Variants in AK5 observed in about 807,000 individuals in gnomAD.
AK5 encodes adenylate kinase 5, also known as adenylate kinase isoenzyme 5.
In AK5, 27 loss-of-function variants were observed where a neutral mutation model predicts 69.5. The ratio of observed to expected loss-of-function variants is 0.39; its 90% confidence interval spans 0.29 to 0.54. The LOEUF is 0.54. AK5 is among the 20% of genes least tolerant of loss of function. The pLI is 0.71. For missense variants in AK5, 531 were observed against 700.4 expected, an observed-to-expected ratio of 0.76 and a Z score of 2.73; for synonymous variants, 260 against 244.4, an observed-to-expected ratio of 1.06 and a Z score of -0.60.
At chr1:77,298,011 A>C in intron 5 of AK5, 64 bp downstream of exon 5, 1 of 1,205,134 alleles carries the variant, frequency 8.3e-7, no homozygotes, top group African/African-American at 1.5e-5. Context: ...GAATAAAAAC[A>C]AAAAGACTTC....
At chr1:77,397,281 C>T (rs879712709) in intron 6 of AK5, among the ~76,000 whole-genome samples, 9 of 152,130 alleles carry the variant, frequency 5.9e-5, no homozygotes, top group Non-Finnish European at 1.0e-4. Context: ...CATTGCCACA[C>T]GTACCCACCG....
At chr1:77,383,593 A>G (rs1004783379) in intron 6 of AK5, among the ~76,000 whole-genome samples, 1 of 152,180 alleles carries the variant, frequency 6.6e-6, no homozygotes, top group African/African-American at 2.4e-5. Flanking sequence ...ATATTATGAA[A>G]CCTTCATGGG....
At chr1:77,460,864 C>T (rs773521395) in intron 8 of AK5, among the ~76,000 whole-genome samples, 3 of 151,736 alleles carry the variant, frequency 2.0e-5, no homozygotes, top group Non-Finnish European at 4.4e-5. Flanking sequence ...GCTAGGATTA[C>T]AGGCACGTAC....
At chr1:77,531,210 G>C (rs565720939) in intron 12 of AK5, among the ~76,000 whole-genome samples, 4 of 152,140 alleles carry the variant, frequency 2.6e-5, no homozygotes, top group Non-Finnish European at 5.9e-5. Flanking sequence ...GCAGACCTTC[G>C]CAGTGTTACA....
intron 8 of AK5, among the ~76,000 whole-genome samples, chr1:77,444,289 T>TA (rs1369986823): frequency 5.8e-5 from 4 of 69,182 alleles, no homozygotes; most frequent in Admixed American, 2.0e-4. Context: ...ACAACATATG[T>TA]GTATATATAT....
intron 5 of AK5, among the ~76,000 whole-genome samples, chr1:77,322,023 G>A (rs561602436): frequency 2.9e-4 from 44 of 152,256 alleles, no homozygotes; most frequent in African/African-American, 1.0e-3. Context: ...AGGGTGAGCC[G>A]TGTCTAGCTT....
chr1:77,503,899 C>CA (rs147784897), intron 10 of AK5, among the ~76,000 whole-genome samples: 24,460 of 135,014 alleles, frequency 0.18, 2,200 homozygotes, highest in Non-Finnish European at 0.19. Context: ...GAGACTGTCT[C>CA]AAAAAAAAAA....
chr1:77,508,853 C>T (rs907091142), intron 10 of AK5, among the ~76,000 whole-genome samples: 5 of 138,594 alleles, frequency 3.6e-5, no homozygotes, highest in African/African-American at 1.4e-4. Context: ...GGCGGCAGAG[C>T]GAGACTCCAT....
chr1:77,559,078 C>T lies in AK5; in HGVS notation c.*408C>T, dbSNP rs764980941. On this transcript the variant is annotated 3_prime_UTR_variant, in exon 14 of 14. Transcript: ENST00000354567. ...AACCCCCAGTCACACCTTCCTCTTA[C>T]ATACTGTTCCCCAATGGAGGCCCCT... The T allele has an allele frequency of 1.9e-5, 3 of 155,852 alleles. No individual in the cohort carries two copies. Among genetic ancestry groups the T allele is most frequent in the Non-Finnish European group, 4.3e-5 (3 of 70,434 alleles). The allele number at this position is 155,852 out of a possible 1,614,324, so 9.7% of individuals were successfully genotyped here.
rs936741981 is a variant in AK5 at position 77,558,736 on chromosome 1, A to G, written c.*66A>G. 1.1e-5 allele frequency: 13 copies of G among 1,174,334 alleles called. No homozygotes were observed. The highest frequency in any genetic ancestry group is 1.8e-5 in the Admixed American group (1 of 55,716). 72.7% of individuals were successfully genotyped at this position (1,174,334 alleles called of 1,614,324 possible). ...ATTAAAAAGTTCATTCCTTAACACA[A>G]TGTTTCAAGTTAAACCTTTTGTGTC... On this transcript the variant is annotated 3_prime_UTR_variant, in exon 14 of 14. Coordinates refer to ENST00000354567, the MANE Select transcript of AK5 (RefSeq NM_174858.3).
intron 8 of AK5, among the ~76,000 whole-genome samples, chr1:77,455,636 G>A (rs11810135): frequency 0.046 from 6,932 of 152,168 alleles, 404 homozygotes; most frequent in East Asian, 0.19. Flanking sequence ...TCCATTGCTT[G>A]TAACTCACCT....
intron 6 of AK5, among the ~76,000 whole-genome samples, chr1:77,374,418 C>CT (rs34141642): frequency 0.56 from 78,112 of 138,652 alleles, 22,111 homozygotes; most frequent in Non-Finnish European, 0.61. Flanking sequence ...TGAGGTAATG[C>CT]TTTTTTTTTT....
At chr1:77,341,900 T>G (rs750798347) in intron 6 of AK5, among the ~76,000 whole-genome samples, 3 of 152,100 alleles carry the variant, frequency 2.0e-5, no homozygotes, top group Non-Finnish European at 4.4e-5. Context: ...TTTTGTTTTG[T>G]TTTGGTTTGG....
intron 8 of AK5, among the ~76,000 whole-genome samples, chr1:77,451,059 C>G (rs1043275778): frequency 1.3e-5 from 2 of 151,970 alleles, no homozygotes; most frequent in African/African-American, 4.8e-5. Context: ...GCCTGTAGCC[C>G]TAGCTATTCA....
intron 8 of AK5, among the ~76,000 whole-genome samples, chr1:77,422,920 T>G (rs1650913738): frequency 6.6e-6 from 1 of 152,118 alleles, no homozygotes; most frequent in East Asian, 1.9e-4. Context: ...ACAACCCCAC[T>G]TAGAAGTACT....
intron 6 of AK5, among the ~76,000 whole-genome samples, chr1:77,402,163 A>G (rs1649258100): frequency 6.6e-6 from 1 of 152,160 alleles, no homozygotes; most frequent in Non-Finnish European, 1.5e-5. Flanking sequence ...GACCCATGAA[A>G]TGTAAATAAA....
chr1:77,436,819 G>A (rs920695087), intron 8 of AK5, among the ~76,000 whole-genome samples: 8 of 152,124 alleles, frequency 5.3e-5, no homozygotes, highest in South Asian at 2.1e-4. Flanking sequence ...CTTGTTAGCC[G>A]TTTTTACAGG....
chr1:77,366,779 C>G (rs1169630960), intron 6 of AK5, among the ~76,000 whole-genome samples: 3 of 152,138 alleles, frequency 2.0e-5, no homozygotes, highest in African/African-American at 7.2e-5. Flanking sequence ...TATCTCTACT[C>G]TTCAGTAAGG....
intron 13 of AK5, among the ~76,000 whole-genome samples, chr1:77,557,688 A>G (rs1407457579): frequency 6.6e-6 from 1 of 151,974 alleles, no homozygotes; most frequent in Non-Finnish European, 1.5e-5. Flanking sequence ...CCCTATTCCC[A>G]AATGCTGCAG....
Sources: allele counts gnomAD v4.1 joint callset (sites outside exome capture counted in the v4.1 genomes callset), GRCh38; gene constraint gnomAD v4.1.1; transcripts MANE v1.5; gene names NCBI Gene and HGNC (gene_info 2026-07-23, HGNC 2026-07-21).